EOGT: variants seen among roughly 807,000 people sequenced by gnomAD.
The protein encoded by EOGT is EGF domain-specific O-linked N-acetylglucosamine transferase.
A neutral mutation model predicts 70.5 loss-of-function variants in EOGT; 55 were observed. The ratio of observed to expected loss-of-function variants is 0.78; its 90% CI spans 0.63 to 0.98. The LOEUF (loss-of-function observed/expected upper bound fraction) is 0.98, where lower values mean the gene tolerates loss of function less well. Among genes scored for constraint, EOGT ranks in the 50% least tolerant of loss-of-function variants. EOGT has a pLI of 0.00. For missense variants in EOGT, 703 were observed against 641.9 expected (o/e 1.10, Z -1.03); for synonymous variants, 246 against 217.1 (o/e 1.13, Z -1.17).
Position 68,975,960 on chromosome 3 carries a change from A to C in EOGT, c.*1658T>G, listed in dbSNP as rs896717966. 6.6e-5 allele frequency: 10 copies of C among 152,176 alleles called. No homozygotes were observed. Among genetic ancestry groups the C allele is most frequent in the African/African-American group, 1.9e-4 (8 of 41,460 alleles). The allele number at this position is 152,176 out of a possible 1,614,324, so 9.4% of individuals were successfully genotyped here. A position where few individuals can be genotyped will look rare whatever the true frequency, so the allele number is the denominator to read the frequency against. On this transcript the variant is annotated 3_prime_UTR_variant, in exon 18 of 18. Transcript: ENST00000383701. Reference sequence around the variant, plus strand: ...TGTAATTTGTTACTCCATTATTTTAAAAAATAGAAGTAACTAGTCTCTAAA... The same window carrying C: ...TGTAATTTGTTACTCCATTATTTTACAAAATAGAAGTAACTAGTCTCTAAA...
chr3:69,003,652 T>G (rs2091359186), intron 8 of EOGT, among the ~76,000 whole-genome samples: 1 of 152,188 alleles, frequency 6.6e-6, no homozygotes, highest in Non-Finnish European at 1.5e-5. Context: ...CTAAAATTAT[T>G]TTAAAATACA....
chr3:68,986,263 C>A (rs2090804510), intron 14 of EOGT, among the ~76,000 whole-genome samples: 1 of 152,194 alleles, frequency 6.6e-6, no homozygotes, highest in Admixed American at 6.5e-5. Flanking sequence ...ATTCCATCTG[C>A]AACCTTACTT....
intron 6 of EOGT, among the ~76,000 whole-genome samples, chr3:69,006,528 A>C (rs1206400863): frequency 1.3e-5 from 2 of 152,230 alleles, no homozygotes; most frequent in East Asian, 1.9e-4. Context: ...TTACAACTTC[A>C]TCAACCTTTA....
At chr3:68,995,514 C>A (rs762737955) in intron 10 of EOGT, among the ~76,000 whole-genome samples, 1 of 152,168 alleles carries the variant, frequency 6.6e-6, no homozygotes, top group East Asian at 1.9e-4. Context: ...TCATGCTCAG[C>A]TGACTGAGTA....
intron 14 of EOGT, among the ~76,000 whole-genome samples, chr3:68,986,682 T>C (rs929291703): frequency 1.3e-5 from 2 of 152,216 alleles, no homozygotes; most frequent in Non-Finnish European, 2.9e-5. Context: ...CCAGTCTCTA[T>C]GACATCACCC....
intron 10 of EOGT, among the ~76,000 whole-genome samples, chr3:68,991,970 A>T (rs139027916): frequency 6.6e-6 from 1 of 152,318 alleles, no homozygotes; most frequent in East Asian, 1.9e-4. Flanking sequence ...CACTATCACG[A>T]GAATAGCATA....
intron 8 of EOGT, among the ~76,000 whole-genome samples, chr3:69,004,114 C>T (rs2091374979): frequency 6.6e-6 from 1 of 152,100 alleles, no homozygotes; most frequent in South Asian, 2.1e-4. Flanking sequence ...TAAAACTTGG[C>T]AATTGTGAGT....
rs1439461083 is a variant in EOGT, at chr3:68,977,109, G to A, written c.*509C>T. ...CAGAAGGCAGAGGTTGCAGTGAGCT[G>A]AGATCATGCCACTGCACTCCAGCCT... On this transcript the variant is annotated 3_prime_UTR_variant, in exon 18 of 18. Coordinates refer to ENST00000383701, the MANE Select transcript of EOGT (RefSeq NM_001278689.2). 2 of 155,628 alleles carry A rather than the reference G, an allele frequency of 1.3e-5. No homozygotes were observed. Among genetic ancestry groups the A allele is most frequent in the African/African-American group, 2.4e-5 (1 of 41,442 alleles). The allele number at this position is 155,628 out of a possible 1,614,324, so 9.6% of individuals were successfully genotyped here. A position where few individuals can be genotyped will look rare whatever the true frequency, so the allele number is the denominator to read the frequency against.
At chr3:69,006,481 T>G (rs9874901) in intron 6 of EOGT, among the ~76,000 whole-genome samples, 71,181 of 152,034 alleles carry the variant, frequency 0.47, 17,231 homozygotes, top group Admixed American at 0.53. Context: ...GACTCAGGGT[T>G]CAGGATCATT....
At chr3:68,986,471 C>A (rs2090810612) in intron 14 of EOGT, among the ~76,000 whole-genome samples, 1 of 152,200 alleles carries the variant, frequency 6.6e-6, no homozygotes, top group Non-Finnish European at 1.5e-5. Flanking sequence ...GCCCCCTGCA[C>A]CATGCCTGAC....
At chr3:68,980,526 T>C (rs571281450) in intron 15 of EOGT, among the ~76,000 whole-genome samples, 31 of 152,152 alleles carry the variant, frequency 2.0e-4, no homozygotes, top group African/African-American at 7.2e-4. Context: ...GGAATAAGGG[T>C]GACACTCTGA....
At chr3:68,979,882 G>C in intron 15 of EOGT, 95 bp from the exon 16 acceptor site, 3 of 1,254,774 alleles carry the variant, frequency 2.4e-6, no homozygotes, top group East Asian at 2.6e-5. Context: ...ATTTATAAAA[G>C]TGTATTGCCC....
At chr3:68,996,149 G>A (rs528080769) in intron 10 of EOGT, among the ~76,000 whole-genome samples, 2 of 152,274 alleles carry the variant, frequency 1.3e-5, no homozygotes, top group East Asian at 3.9e-4. Context: ...AACTGTGGTG[G>A]CAGCAAAACT....
At chr3:68,978,587 G>T (rs920899978) in intron 16 of EOGT, 152 bp from the exon 17 acceptor site, 4 of 559,142 alleles carry the variant, frequency 7.2e-6, no homozygotes, top group Non-Finnish European at 1.3e-5. Context: ...CTGAGGAAGA[G>T]AATGTAAAAA....
At position 68,976,178 on chromosome 3, in the gene EOGT, A is replaced by C. The variant is rs1411672735; in HGVS notation, c.*1440T>G. On this transcript the variant is annotated 3_prime_UTR_variant, in exon 18 of 18. Transcript: ENST00000383701. Reference sequence around the variant, plus strand: ...AGCTTCTTTTTCACTTTCATTGAATAAGTCACATGTCTTTAGTTTGTTTTT... The same window carrying C: ...AGCTTCTTTTTCACTTTCATTGAATCAGTCACATGTCTTTAGTTTGTTTTT... 1 of 152,194 alleles carries C rather than the reference A, an allele frequency of 6.6e-6. No homozygotes were observed. Among genetic ancestry groups the C allele is most frequent in the Non-Finnish European group, 1.5e-5 (1 of 68,038 alleles). 9.4% of individuals were successfully genotyped at this position (152,194 alleles called of 1,614,324 possible).
At chr3:68,978,544 TGTAAACAAGACTGAGGAAGACA>T (rs1368579592) in intron 16 of EOGT, 109 bp from the exon 17 acceptor site, 84 of 666,558 alleles carry the variant, frequency 1.3e-4, no homozygotes, top group African/African-American at 1.3e-3. Context: ...TGCAAAAGGT[TGTAAACAAGACTGAGGAAGACA>T]GTAAACAAGA....
chr3:68,984,162 C>T (rs931877595), intron 14 of EOGT, among the ~76,000 whole-genome samples: 12 of 152,030 alleles, frequency 7.9e-5, no homozygotes, highest in African/African-American at 2.9e-4. Context: ...TATTGTCCTG[C>T]TTACAGAAAG....
In EOGT at chr3:68,978,369, A is replaced by G. The variant is rs745315312; in HGVS notation, c.1401T>C (p.Thr467=). ...LARLRGVHYI[T]WRRQNKVFPQ... is the part of the protein sequence containing the mutation. ...GAAAGACTTTGTTCTGCCGTCGCCA[A>G]GTGATGTAGTGAACGCCTCTCAGCC... The change falls in exon 17 of 18, where the codon ACT becomes ACC. Residue 467 remains threonine (T), a synonymous_variant. Coordinates refer to ENST00000383701, the MANE Select transcript of EOGT (RefSeq NM_001278689.2). 3 of 1,613,014 alleles carry G rather than the reference A, an allele frequency of 1.9e-6. No individual in the cohort carries two copies. The highest frequency in any genetic ancestry group is 1.1e-5 in the South Asian group (1 of 90,704).
At chr3:69,009,342 T>C (rs1212010191) in intron 4 of EOGT, among the ~76,000 whole-genome samples, 2 of 152,220 alleles carry the variant, frequency 1.3e-5, no homozygotes, top group African/African-American at 4.8e-5. Context: ...TTAGTTACTT[T>C]TAACAAGATG....
Sources: gnomAD v4.1 joint callset for allele counts (sites outside exome capture counted in the v4.1 genomes callset) on GRCh38, gnomAD v4.1.1 for gene constraint, MANE v1.5 for transcripts, NCBI Gene and HGNC (gene_info 2026-07-23, HGNC 2026-07-21) for gene names.